CLCN5: variants seen among roughly 807,000 people sequenced by gnomAD.
CLCN5 encodes the protein Cl-/H+ antiporter 5.
A neutral mutation model predicts 54.0 loss-of-function variants in CLCN5; 17 were observed. The observed-to-expected ratio is 0.31, with a 90% CI of 0.22 to 0.47. The LOEUF is 0.47. Among genes scored for constraint, CLCN5 ranks in the 20% least tolerant of loss-of-function variants. The pLI is 1.00. For missense variants in CLCN5, 448 were observed against 646.7 expected, an observed-to-expected ratio of 0.69 and a Z score of 3.33; for synonymous variants, 222 against 233.0, an observed-to-expected ratio of 0.95 and a Z score of 0.43.
At chrX:49,996,903 A>G (rs1929551057) in intron 3 of CLCN5, among the ~76,000 whole-genome samples, 1 of 111,668 alleles carries the variant, frequency 9.0e-6, no homozygotes, top group Admixed American at 9.5e-5. Context: ...CTCCTTAGGT[A>G]GTAACTTTAT....
intron 7 of CLCN5, among the ~76,000 whole-genome samples, chrX:50,078,974 T>C (rs1187615097): frequency 9.0e-6 from 1 of 111,526 alleles, no homozygotes; most frequent in Non-Finnish European, 1.9e-5. Context: ...AGGCACCCGC[T>C]ACCACGCCCG....
chrX:50,082,294 G>T (rs1557193314), intron 9 of CLCN5, among the ~76,000 whole-genome samples: 1 of 109,391 alleles, frequency 9.1e-6, no homozygotes, highest in South Asian at 3.9e-4. Context: ...CTGGAAGGTG[G>T]TTTTACCCCA....
At chrX:49,935,469 G>A (rs1925898246) in intron 3 of CLCN5, among the ~76,000 whole-genome samples, 1 of 112,362 alleles carries the variant, frequency 8.9e-6, no homozygotes, top group South Asian at 3.7e-4. Context: ...CAAAAGTCAT[G>A]ATCCCTGCCC....
intron 3 of CLCN5, among the ~76,000 whole-genome samples, chrX:49,976,227 TG>T (rs1413808991): frequency 8.9e-6 from 1 of 112,548 alleles, no homozygotes; most frequent in East Asian, 2.8e-4. Flanking sequence ...ACTCTGGGAA[TG>T]GGGCCCAACA....
At chrX:49,997,315 G>T (rs1164359777) in intron 3 of CLCN5, among the ~76,000 whole-genome samples, 1 of 110,768 alleles carries the variant, frequency 9.0e-6, no homozygotes, top group Non-Finnish European at 1.9e-5. Context: ...GATTTTTCAG[G>T]AGTTATTTAT....
intron 3 of CLCN5, among the ~76,000 whole-genome samples, chrX:49,969,274 T>C (rs1168914252): frequency 3.6e-5 from 4 of 111,409 alleles, no homozygotes; most frequent in Non-Finnish European, 5.7e-5. Flanking sequence ...GACAGGGTTT[T>C]GCCATGTTGG....
chrX:49,978,718 T>G (rs1928594992), intron 3 of CLCN5, among the ~76,000 whole-genome samples: 2 of 112,489 alleles, frequency 1.8e-5, no homozygotes, highest in African/African-American at 6.5e-5. Context: ...AATCTCTTTT[T>G]GAAAATTCTT....
chrX:50,015,241 G>A (rs1930728156), intron 3 of CLCN5, among the ~76,000 whole-genome samples: 1 of 110,567 alleles, frequency 9.0e-6, no homozygotes, highest in African/African-American at 3.3e-5. Flanking sequence ...GGGCCAAAGA[G>A]AGAGTCTTCC....
chrX:50,012,022 C>T (rs1279554592), intron 3 of CLCN5, among the ~76,000 whole-genome samples: 2 of 111,133 alleles, frequency 1.8e-5, no homozygotes, highest in African/African-American at 3.3e-5. Flanking sequence ...GCAGGGGTGG[C>T]GCTCCTGTCA....
At chrX:50,018,095 C>A (rs1557183835) in intron 3 of CLCN5, among the ~76,000 whole-genome samples, 1 of 111,899 alleles carries the variant, frequency 8.9e-6, no homozygotes. Context: ...ATTGAGTCTT[C>A]CTATCCAAGT....
intron 3 of CLCN5, among the ~76,000 whole-genome samples, chrX:50,007,890 A>G (rs1930281377): frequency 8.9e-6 from 1 of 111,983 alleles, no homozygotes; most frequent in Non-Finnish European, 1.9e-5. Flanking sequence ...TCTCTAGGCT[A>G]ATATGTGGTA....
intron 3 of CLCN5, among the ~76,000 whole-genome samples, chrX:49,996,659 G>A (rs1449657265): frequency 8.9e-6 from 1 of 112,430 alleles, no homozygotes; most frequent in Non-Finnish European, 1.9e-5. Context: ...GCAAACATGA[G>A]TCAGGGTTAG....
chrX:49,989,581 G>C (rs1557178646), intron 3 of CLCN5, among the ~76,000 whole-genome samples: 2 of 112,059 alleles, frequency 1.8e-5, no homozygotes, highest in Non-Finnish European at 3.8e-5. Context: ...TAAGTTGATT[G>C]GTTATAGTCT....
chrX:49,944,660 A>C, intron 3 of CLCN5, among the ~76,000 whole-genome samples: 1 of 112,060 alleles, frequency 8.9e-6, no homozygotes, highest in South Asian at 3.7e-4. Flanking sequence ...TATTGAGATA[A>C]TCATGTGGTT....
At chrX:50,066,183 AGAAAGAGAAATTCCAGAGC>A (rs1933011134) in intron 4 of CLCN5, among the ~76,000 whole-genome samples, 2 of 100,531 alleles carry the variant, frequency 2.0e-5, no homozygotes, top group African/African-American at 4.4e-5. Flanking sequence ...AAAAAAAGAA[AGAAAGAGAAATTCCAGAGC>A]AAAAAAAAAA....
chrX:49,947,730 T>C (rs1253918740), intron 3 of CLCN5, among the ~76,000 whole-genome samples: 1 of 111,344 alleles, frequency 9.0e-6, no homozygotes, highest in Admixed American at 9.6e-5. Context: ...ACTGGACCCA[T>C]TCGCTGTCGT....
Position 49,928,113 on chromosome X carries a change from TAAC to T in CLCN5, c.16+2802_16+2804del, listed in dbSNP as rs782402119. Among the ~76,000 whole-genome samples the T allele has an allele frequency of 1.1e-3, 127 of 112,204 alleles. 1 individual carries two copies. The highest frequency in any genetic ancestry group is 2.8e-3 in the African/African-American group (86 of 30,934). On this transcript the variant is annotated intron_variant, in intron 3 of 14. Transcript: ENST00000376091. ...AATAGTACAGTAGGGAGACTACAGTTAACAATAATTATATATTTCAAAATGGCT... is the reference window on the plus strand; with the variant it reads ...AATAGTACAGTAGGGAGACTACAGTTAATAATTATATATTTCAAAATGGCT...
At chrX:50,031,947 C>T (rs1394787453) in intron 3 of CLCN5, among the ~76,000 whole-genome samples, 1 of 97,893 alleles carries the variant, frequency 1.0e-5, no homozygotes, top group South Asian at 5.4e-4. Flanking sequence ...TCAATTCCCA[C>T]CTATGAGTGA....
intron 3 of CLCN5, among the ~76,000 whole-genome samples, chrX:50,031,808 T>C (rs1239529003): frequency 8.4e-5 from 9 of 107,744 alleles, no homozygotes; most frequent in African/African-American, 2.7e-4. Context: ...CATGCTGGTG[T>C]GCTGCACCCA....
Sources: gnomAD v4.1 joint callset for allele counts (sites outside exome capture counted in the v4.1 genomes callset) on GRCh38, gnomAD v4.1.1 for gene constraint, MANE v1.5 for transcripts, NCBI Gene and HGNC (gene_info 2026-07-23, HGNC 2026-07-21) for gene names.